Variants in PLEKHA5 observed in about 807,000 individuals in gnomAD.
The protein encoded by PLEKHA5 is pleckstrin homology domain containing A5.
In PLEKHA5, 55 loss-of-function variants were observed where a neutral mutation model predicts 181.9. The ratio of observed to expected loss-of-function variants is 0.30; its 90% CI spans 0.24 to 0.38. The LOEUF (loss-of-function observed/expected upper bound fraction) is 0.38. PLEKHA5 is among the 10% of genes least tolerant of loss of function. The pLI is 1.00. For missense variants in PLEKHA5, 1,432 were observed against 1,549.5 expected, an observed-to-expected ratio of 0.92 and a Z score of 1.27; for synonymous variants, 535 against 529.4, an observed-to-expected ratio of 1.01 and a Z score of -0.15.
intron 25 of PLEKHA5, among the ~76,000 whole-genome samples, chr12:19,351,553 A>C (rs1451288729): frequency 6.6e-6 from 1 of 152,180 alleles, no homozygotes; most frequent in Non-Finnish European, 1.5e-5. Context: ...TTAAGTATGC[A>C]TGCTAGGGTT....
At chr12:19,209,074 T>A (rs1034755411) in intron 3 of PLEKHA5, among the ~76,000 whole-genome samples, 2 of 152,208 alleles carry the variant, frequency 1.3e-5, no homozygotes, top group Non-Finnish European at 2.9e-5. Context: ...TAAGCCTGTA[T>A]GAATGTGTTA....
intron 15 of PLEKHA5, among the ~76,000 whole-genome samples, chr12:19,296,111 G>A (rs2079707929): frequency 6.6e-6 from 1 of 152,000 alleles, no homozygotes; most frequent in Non-Finnish European, 1.5e-5. Flanking sequence ...GTGGGCACCT[G>A]TAATCTCAGC....
intron 28 of PLEKHA5, among the ~76,000 whole-genome samples, chr12:19,360,797 C>T (rs2095204435): frequency 1.3e-5 from 2 of 152,022 alleles, no homozygotes; most frequent in Admixed American, 1.3e-4. Flanking sequence ...ACCCTGTCGC[C>T]CAGGCTGGAG....
chr12:19,306,775 A>G, intron 15 of PLEKHA5: 3 of 922,314 alleles, frequency 3.3e-6, no homozygotes, highest in Non-Finnish European at 5.4e-6. Context: ...AATCTCGTTA[A>G]ATTCCATGAT....
Position 19,348,454 on chromosome 12 carries a change from T to TTGATGAATCTAA in PLEKHA5, c.2957_2968dup (p.Asp986_Asn989dup). On this transcript the variant is annotated inframe_insertion, in exon 25 of 32. Transcript: ENST00000429027. ...CCAGAGTTAACAACAGTGGCAGAAG[T>TTGATGAATCTAA]TGATGAATCTAATGGAGAAGAAAAA... is the stretch of plus-strand genomic sequence containing the variant. 1 of 1,582,080 alleles carries TTGATGAATCTAA rather than the reference T, an allele frequency of 6.3e-7. No homozygotes were observed. The highest frequency in any genetic ancestry group is 8.6e-7 in the Non-Finnish European group (1 of 1,165,562).
chr12:19,218,110 A>G (rs2152275677), intron 3 of PLEKHA5, among the ~76,000 whole-genome samples: 1 of 152,284 alleles, frequency 6.6e-6, no homozygotes, highest in East Asian at 1.9e-4. Flanking sequence ...GTAAATTAGA[A>G]AGTAAGATTA....
At chr12:19,340,961 A>G (rs550435494) in intron 21 of PLEKHA5, among the ~76,000 whole-genome samples, 1,403 of 115,516 alleles carry the variant, frequency 0.012, 23 homozygotes, top group African/African-American at 0.043. Context: ...AAAAAAAAAA[A>G]AGAAAGAAAA....
At chr12:19,374,123 A>G (rs116473703) in intron 31 of PLEKHA5, among the ~76,000 whole-genome samples, 1,630 of 152,284 alleles carry the variant, frequency 0.011, 38 homozygotes, top group African/African-American at 0.037. Flanking sequence ...GGATTTAGGA[A>G]ACCTTTACAA....
At chr12:19,131,504 C>T (rs769190877) in intron 2 of PLEKHA5, among the ~76,000 whole-genome samples, 1 of 152,062 alleles carries the variant, frequency 6.6e-6, no homozygotes, top group Non-Finnish European at 1.5e-5. Context: ...GGCCTCTTTG[C>T]TTTTATGGAT....
At chr12:19,291,826 T>G in intron 15 of PLEKHA5, 129 bp downstream of exon 15, 2 of 543,028 alleles carry the variant, frequency 3.7e-6, no homozygotes, top group South Asian at 2.7e-5. Flanking sequence ...AGTGATAGAA[T>G]ATGAAATCTC....
chr12:19,312,300 CAA>C (rs1407467018), intron 15 of PLEKHA5, among the ~76,000 whole-genome samples: 1 of 152,196 alleles, frequency 6.6e-6, no homozygotes, highest in Non-Finnish European at 1.5e-5. Context: ...TATCCCCAAA[CAA>C]GAGTGTCATC....
Position 19,283,524 on chromosome 12 carries a change from A to G in PLEKHA5, c.1558A>G (p.Lys520Glu). 1 of 1,614,198 alleles carries G rather than the reference A, an allele frequency of 6.2e-7. No individual in the cohort carries two copies. The highest frequency in any genetic ancestry group is 1.3e-5 in the African/African-American group (1 of 75,052). Residue 520 changes from lysine to glutamate, a missense_variant, in exon 12 of 32, where the codon AAA (lysine) becomes GAA (glutamate). By Grantham distance (56) the Lys-to-Glu change is moderately conservative. Around this residue, in one of 2 missense-constraint regions of PLEKHA5, gnomAD observed 1,143 missense variants for 1,168.4 expected, o/e 0.98. Coordinates refer to ENST00000429027, the MANE Select transcript of PLEKHA5 (RefSeq NM_001256470.2). ...YEWQQRQFYN[K>E]QSTLPRHSTL... ...ATGGCAGCAGCGTCAGTTTTATAAC[A>G]AACAGAGCACCCTCCCTCGACACAG...
At chr12:19,129,968 CG>C (rs2032898268) in intron 1 of PLEKHA5, 80 bp downstream of exon 1, 6 of 1,458,576 alleles carry the variant, frequency 4.1e-6, no homozygotes, top group South Asian at 1.2e-5. Flanking sequence ...GGGGAGAGCC[CG>C]GGTCTGTGCT....
Position 19,129,827 on chromosome 12 carries a change from A to G in PLEKHA5, c.28A>G (p.Ile10Val), listed in dbSNP as rs771430569. 6.2e-7 allele frequency: 1 copy of G among 1,603,666 alleles called. No homozygotes were observed. The highest frequency in any genetic ancestry group is 1.1e-5 in the South Asian group (1 of 90,226). MAADLNLEW[I>V]SLPRSWTYGI... is the part of the protein sequence containing the mutation. ...GGCGGCGGATCTGAACCTGGAGTGG[A>G]TCTCCCTGCCCCGGTCCTGGACTTA... The change falls in exon 1 of 32, where the codon ATC (isoleucine) becomes GTC (valine). Residue 10 changes from isoleucine to valine, a missense_variant. This residue lies in a region of PLEKHA5 where 289 missense variants were observed against 381.1 expected (regional missense o/e 0.76). Transcript: ENST00000429027.
chr12:19,239,247 G>A (rs1219478717), intron 3 of PLEKHA5, among the ~76,000 whole-genome samples: 1 of 152,114 alleles, frequency 6.6e-6, no homozygotes, highest in Non-Finnish European at 1.5e-5. Context: ...TAGTTAACTA[G>A]CCTGTTGATA....
intron 20 of PLEKHA5, 140 bp downstream of exon 20, chr12:19,322,807 C>A: frequency 1.7e-6 from 1 of 598,332 alleles, no homozygotes; most frequent in Non-Finnish European, 2.9e-6. Flanking sequence ...TATTAGTGTG[C>A]TTCTGTTTAG....
rs1591819487 is a variant in PLEKHA5 at position 19,150,794 on chromosome 12, G to C, written c.227+18344G>C. On this transcript the variant is annotated intron_variant, in intron 3 of 31. Transcript: ENST00000429027. ...AGGAGCTCAAGGAGAATGAAAGCTT[G>C]AAGCCACAAAGGGTTTTTCTAGATT... 3.9e-5 allele frequency: 6 copies of C among 152,348 alleles called. No homozygotes were observed. The South Asian group carries it at 1.2e-3, about 32-fold the overall frequency. 9.4% of individuals were successfully genotyped at this position (152,348 alleles called of 1,614,324 possible).
At chr12:19,176,283 T>TA (rs1250906124) in intron 3 of PLEKHA5, 1 of 150,624 alleles carries the variant, frequency 6.6e-6, no homozygotes, top group Non-Finnish European at 1.5e-5. Flanking sequence ...TAATTTTTTT[T>TA]TTTTTTAAGA....
intron 3 of PLEKHA5, among the ~76,000 whole-genome samples, chr12:19,197,423 G>T (rs927777980): frequency 1.6e-4 from 25 of 151,896 alleles, no homozygotes; most frequent in African/African-American, 5.6e-4. Context: ...TTTTGCTCAC[G>T]TCTCACCTTT....
Sources: allele counts gnomAD v4.1 joint callset (sites outside exome capture counted in the v4.1 genomes callset), GRCh38; gene constraint gnomAD v4.1.1; regional missense constraint gnomAD v4.1.1; transcripts MANE v1.5; gene names NCBI Gene and HGNC (gene_info 2026-07-23, HGNC 2026-07-21).